Variants in NCKAP5 observed in about 807,000 individuals in gnomAD.
The protein encoded by NCKAP5 is NCK associated protein 5.
Under a neutral mutation model 167.0 loss-of-function variants are expected in NCKAP5, and 92 were observed. That is an observed-to-expected ratio of 0.55 (90% CI 0.47 to 0.66). The LOEUF is 0.66. NCKAP5 is among the 30% of genes least tolerant of loss of function. The pLI is 0.00. For synonymous variants in NCKAP5, 891 were observed against 877.4 expected (o/e 1.02, Z -0.27); for missense variants, 2,378 against 2,315.0 (o/e 1.03, Z -0.56).
chr2:132,707,204 G>A (rs1176514122), intron 19 of NCKAP5, among the ~76,000 whole-genome samples: 1 of 152,216 alleles, frequency 6.6e-6, no homozygotes, highest in Non-Finnish European at 1.5e-5. Context: ...ACACTCTTGG[G>A]AGGGGGAAAG....
At chr2:132,999,590 G>C (rs1013214476) in intron 6 of NCKAP5, among the ~76,000 whole-genome samples, 1 of 152,146 alleles carries the variant, frequency 6.6e-6, no homozygotes, top group Non-Finnish European at 1.5e-5. Context: ...AATATCAAAG[G>C]CCTTCTTTGT....
intron 7 of NCKAP5, among the ~76,000 whole-genome samples, chr2:132,969,745 A>G (rs1431945240): frequency 2.0e-5 from 3 of 151,784 alleles, no homozygotes; most frequent in Admixed American, 1.3e-4. Context: ...TGACAAAGAG[A>G]GTTTAAAGCT....
chr2:132,903,116 A>AAG (rs1693753220), intron 8 of NCKAP5, among the ~76,000 whole-genome samples: 1 of 152,218 alleles, frequency 6.6e-6, no homozygotes, highest in Non-Finnish European at 1.5e-5. Flanking sequence ...TAATGCATGG[A>AAG]GAGCACTGAA....
At chr2:132,928,964 CA>C (rs1696143507) in intron 8 of NCKAP5, among the ~76,000 whole-genome samples, 1 of 90,124 alleles carries the variant, frequency 1.1e-5, no homozygotes, top group East Asian at 3.9e-4. Context: ...TCTACCAAAA[CA>C]AAACAAAACA....
chr2:133,109,998 G>A (rs1344473474), intron 6 of NCKAP5, among the ~76,000 whole-genome samples: 1 of 151,960 alleles, frequency 6.6e-6, no homozygotes, highest in Non-Finnish European at 1.5e-5. Context: ...AGGCTTCAGA[G>A]AAAAAGAAGA....
intron 8 of NCKAP5, among the ~76,000 whole-genome samples, chr2:132,896,111 G>A (rs1281599240): frequency 1.3e-5 from 2 of 152,240 alleles, no homozygotes; most frequent in East Asian, 3.9e-4. Flanking sequence ...CTCCAGCCTG[G>A]GTGACAAGAG....
At chr2:132,960,480 T>G (rs2076479541) in intron 8 of NCKAP5, among the ~76,000 whole-genome samples, 1 of 152,262 alleles carries the variant, frequency 6.6e-6, no homozygotes, top group South Asian at 2.1e-4. Flanking sequence ...TTGAAGGCCC[T>G]TAGCCTCCAG....
At chr2:132,853,800 C>T (rs1215304407) in intron 11 of NCKAP5, among the ~76,000 whole-genome samples, 1 of 152,088 alleles carries the variant, frequency 6.6e-6, no homozygotes, top group Admixed American at 6.6e-5. Context: ...TAAAACAAAA[C>T]AAATAACAAC....
chr2:133,365,364 C>T (rs1057160974), intron 3 of NCKAP5, among the ~76,000 whole-genome samples: 2 of 152,116 alleles, frequency 1.3e-5, no homozygotes, highest in African/African-American at 4.8e-5. Flanking sequence ...TATCTCTGAG[C>T]CCCATATGAC....
intron 2 of NCKAP5, 107 bp from the exon 3 acceptor site, chr2:133,517,694 C>T (rs1333497140): frequency 2.4e-6 from 1 of 414,536 alleles, no homozygotes; most frequent in Non-Finnish European, 4.3e-6. Context: ...ATACCCAGTC[C>T]CAAATAATAA....
intron 3 of NCKAP5, among the ~76,000 whole-genome samples, chr2:133,511,552 C>T (rs547435297): frequency 1.3e-3 from 199 of 152,328 alleles, no homozygotes; most frequent in African/African-American, 4.6e-3. Context: ...AATATTTCAG[C>T]GTGACATTTT....
chr2:133,585,788 A>G, the NCKAP5 span, among the ~76,000 whole-genome samples: 1 of 152,206 alleles, frequency 6.6e-6, no homozygotes, highest in Admixed American at 6.5e-5. Flanking sequence ...ATCTACCCCT[A>G]CTCACAGGTA....
intron 3 of NCKAP5, among the ~76,000 whole-genome samples, chr2:133,478,965 T>C (rs1409222749): frequency 6.6e-6 from 1 of 152,086 alleles, no homozygotes; most frequent in Non-Finnish European, 1.5e-5. Context: ...GAAACTGCAA[T>C]CCATATTTTT....
intron 6 of NCKAP5, among the ~76,000 whole-genome samples, chr2:133,113,350 A>C (rs1007447765): frequency 6.6e-6 from 1 of 152,252 alleles, no homozygotes; most frequent in Admixed American, 6.5e-5. Context: ...CTATCAGCTA[A>C]ACTGTTATTA....
the NCKAP5 span, among the ~76,000 whole-genome samples, chr2:133,669,255 G>A: frequency 6.6e-6 from 1 of 152,152 alleles, no homozygotes; most frequent in South Asian, 2.1e-4. Flanking sequence ...TCTTTCCCCG[G>A]AATAAATGCT....
At chr2:132,955,920 T>A (rs1249519455) in intron 8 of NCKAP5, among the ~76,000 whole-genome samples, 1 of 152,174 alleles carries the variant, frequency 6.6e-6, no homozygotes, top group Non-Finnish European at 1.5e-5. Flanking sequence ...GATGGTGAGC[T>A]TTTTTTCAAA....
intron 3 of NCKAP5, among the ~76,000 whole-genome samples, chr2:133,362,329 C>G (rs142210731): frequency 1.3e-3 from 201 of 152,296 alleles, no homozygotes; most frequent in Non-Finnish European, 2.4e-3. Flanking sequence ...AAATCCAAGT[C>G]TCAGCAATAA....
intron 4 of NCKAP5, among the ~76,000 whole-genome samples, chr2:133,219,958 C>T (rs2086591761): frequency 6.6e-6 from 1 of 152,146 alleles, no homozygotes; most frequent in South Asian, 2.1e-4. Context: ...CCTGGCACGC[C>T]ATATTTTCAA....
At chr2:132,847,765 T>C (rs1055736135) in intron 11 of NCKAP5, among the ~76,000 whole-genome samples, 1 of 152,150 alleles carries the variant, frequency 6.6e-6, no homozygotes, top group Non-Finnish European at 1.5e-5. Flanking sequence ...ATCAAACATA[T>C]GTGAAGCAAA....
Sources: allele counts gnomAD v4.1 joint callset (sites outside exome capture counted in the v4.1 genomes callset), GRCh38; gene constraint gnomAD v4.1.1; transcripts MANE v1.5; gene names NCBI Gene and HGNC (gene_info 2026-07-23, HGNC 2026-07-21).